The following DCDC2 variants were observed in gnomAD, a reference collection of about 807,000 sequenced individuals.
The protein encoded by DCDC2 is doublecortin domain-containing protein 2.
DCDC2 carries 40 observed loss-of-function variants against 50.2 expected under a neutral mutation model. The ratio of observed to expected loss-of-function variants is 0.80; its 90% CI spans 0.62 to 1.04. DCDC2 has a LOEUF of 1.04. Ranked by LOEUF, DCDC2 falls within the 50% of genes least tolerant of loss-of-function variation. The probability of loss-of-function intolerance (pLI) is 0.00; values close to 1 mark genes in which losing one functional copy is unlikely to be tolerated. For synonymous variants in DCDC2, 234 were observed against 210.6 expected, an observed-to-expected ratio of 1.11 and a Z score of -0.96; for missense variants, 570 against 581.9, an observed-to-expected ratio of 0.98 and a Z score of 0.21.
At chr6:24,365,967 G>A in the DCDC2 span, among the ~76,000 whole-genome samples, 330 of 151,922 alleles carry the variant, frequency 2.2e-3, 2 homozygotes, top group African/African-American at 7.2e-3. Context: ...ACAGGTGCAC[G>A]CCACCAAGCC....
intron 9 of DCDC2, among the ~76,000 whole-genome samples, chr6:24,176,428 T>C (rs569842418): frequency 4.6e-4 from 70 of 152,290 alleles, no homozygotes; most frequent in Admixed American, 2.2e-3. Flanking sequence ...TACATAACCT[T>C]GATCTTGACG....
chr6:24,290,761 G>T (rs1214130682), intron 5 of DCDC2, among the ~76,000 whole-genome samples, 171 bp downstream of exon 5: 1 of 151,862 alleles, frequency 6.6e-6, no homozygotes, highest in Non-Finnish European at 1.5e-5. Flanking sequence ...ATAGCTTTCA[G>T]TCTCCCATCA....
chr6:24,371,276 CAAA>C, the DCDC2 span, among the ~76,000 whole-genome samples: 203 of 102,022 alleles, frequency 2.0e-3, no homozygotes, highest in Admixed American at 5.5e-3. Context: ...CACTCCATCT[CAAA>C]AAAAAAAAAA....
chr6:24,330,189 T>C (rs1171660368), intron 2 of DCDC2, among the ~76,000 whole-genome samples: 1 of 152,208 alleles, frequency 6.6e-6, no homozygotes, highest in Non-Finnish European at 1.5e-5. Flanking sequence ...AGTCAATTCC[T>C]GGCTGATCCC....
intron 7 of DCDC2, among the ~76,000 whole-genome samples, chr6:24,272,933 C>A (rs1763267822): frequency 6.6e-6 from 1 of 152,028 alleles, no homozygotes; most frequent in African/African-American, 2.4e-5. Flanking sequence ...GCACTATTCA[C>A]AACAGCAAAG....
chr6:24,381,340 T>C, the DCDC2 span, among the ~76,000 whole-genome samples: 1 of 152,166 alleles, frequency 6.6e-6, no homozygotes, highest in African/African-American at 2.4e-5. Flanking sequence ...TCCCCAGAAC[T>C]CACTCATCTG....
At chr6:24,278,626 A>G (rs535574404) in intron 6 of DCDC2, among the ~76,000 whole-genome samples, 59 of 152,296 alleles carry the variant, frequency 3.9e-4, no homozygotes, top group African/African-American at 1.4e-3. Flanking sequence ...GGGGCAGAGC[A>G]GCTGCCTCCA....
At chr6:24,355,357 G>A (rs1488615772) in intron 1 of DCDC2, among the ~76,000 whole-genome samples, 2 of 151,680 alleles carry the variant, frequency 1.3e-5, no homozygotes, top group East Asian at 1.9e-4. Flanking sequence ...ATTTTCAGCC[G>A]TTCAGAGATT....
At chr6:24,227,549 T>C (rs1215979986) in intron 7 of DCDC2, among the ~76,000 whole-genome samples, 3 of 152,200 alleles carry the variant, frequency 2.0e-5, no homozygotes, top group Non-Finnish European at 4.4e-5. Flanking sequence ...TCAGAGACCC[T>C]GGACAGATCT....
intron 7 of DCDC2, among the ~76,000 whole-genome samples, chr6:24,243,019 C>T (rs993384297): frequency 6.6e-6 from 1 of 151,968 alleles, no homozygotes; most frequent in Non-Finnish European, 1.5e-5. Flanking sequence ...AGGAATATAT[C>T]CCCCTGAGAA....
intron 7 of DCDC2, among the ~76,000 whole-genome samples, chr6:24,215,765 C>T (rs751926680): frequency 6.6e-5 from 10 of 152,176 alleles, no homozygotes; most frequent in East Asian, 1.9e-4. Flanking sequence ...GCACCACTCC[C>T]GGCTGAGGGG....
chr6:24,280,279 T>C (rs1763443202), intron 6 of DCDC2, among the ~76,000 whole-genome samples: 1 of 152,150 alleles, frequency 6.6e-6, no homozygotes, highest in African/African-American at 2.4e-5. Flanking sequence ...TCCAAATCTA[T>C]AACACTTTTT....
At chr6:24,282,975 ATTTT>A (rs543357114) in intron 6 of DCDC2, among the ~76,000 whole-genome samples, 142 of 151,686 alleles carry the variant, frequency 9.4e-4, no homozygotes, top group African/African-American at 3.3e-3. Flanking sequence ...TAATAACGAA[ATTTT>A]TTTGTCAAAA....
chr6:24,377,703 A>G, the DCDC2 span, among the ~76,000 whole-genome samples: 1 of 152,206 alleles, frequency 6.6e-6, no homozygotes, highest in African/African-American at 2.4e-5. Flanking sequence ...TGTATAGAGC[A>G]TAGGCCGGGC....
chr6:24,367,591 T>C, the DCDC2 span, among the ~76,000 whole-genome samples: 17 of 152,324 alleles, frequency 1.1e-4, no homozygotes, highest in Middle Eastern at 3.4e-3. Context: ...AACTCTGTCT[T>C]TGTGATCTAC....
chr6:24,287,702 T>G (rs1449373690), intron 6 of DCDC2, among the ~76,000 whole-genome samples: 2 of 152,172 alleles, frequency 1.3e-5, no homozygotes, highest in African/African-American at 2.4e-5. Context: ...TCATCTACCT[T>G]TTTCTGAATT....
chr6:24,176,307 C>G (rs1338763433), intron 9 of DCDC2, among the ~76,000 whole-genome samples: 2 of 126,408 alleles, frequency 1.6e-5, no homozygotes, highest in African/African-American at 5.3e-5. Flanking sequence ...AAAAAAAAGT[C>G]CCTAATTAGA....
At chr6:24,372,832 G>T in the DCDC2 span, among the ~76,000 whole-genome samples, 1 of 151,794 alleles carries the variant, frequency 6.6e-6, no homozygotes, top group African/African-American at 2.4e-5. Context: ...CAAGTTAATG[G>T]GTGCAGCACA....
intron 7 of DCDC2, among the ~76,000 whole-genome samples, chr6:24,210,044 GTGTGTGTGTGTCTGTC>G (rs1239144259): frequency 1.4e-5 from 2 of 146,154 alleles, no homozygotes; most frequent in African/African-American, 5.5e-5. Flanking sequence ...GTGTGTGTGT[GTGTGTGTGTGTCTGTC>G]TGTCTGTCTG....
Sources: allele counts gnomAD v4.1 joint callset (sites outside exome capture counted in the v4.1 genomes callset), GRCh38; gene constraint gnomAD v4.1.1; transcripts MANE v1.5; gene names NCBI Gene and HGNC (gene_info 2026-07-23, HGNC 2026-07-21).